The following ROR1 variants were observed in gnomAD, a reference collection of about 807,000 sequenced individuals.
ROR1 encodes the protein inactive tyrosine-protein kinase transmembrane receptor ROR1.
A neutral mutation model predicts 78.8 loss-of-function variants in ROR1; 19 were observed. The observed-to-expected ratio is 0.24, with a 90% CI of 0.17 to 0.35. The LOEUF is 0.35. Ranked by LOEUF, ROR1 falls within the 10% of genes least tolerant of loss-of-function variation. The pLI is 1.00. For missense variants in ROR1, 917 were observed against 1,177.8 expected (o/e 0.78, Z 3.24); for synonymous variants, 386 against 433.6 (o/e 0.89, Z 1.36).
intron 1 of ROR1, among the ~76,000 whole-genome samples, chr1:63,899,637 A>C (rs936453891): frequency 1.3e-5 from 2 of 152,078 alleles, no homozygotes; most frequent in South Asian, 4.1e-4. Flanking sequence ...GCACTCAGGC[A>C]TATAGGTTAC....
intron 1 of ROR1, among the ~76,000 whole-genome samples, chr1:64,003,188 CT>C (rs1271530090): frequency 6.6e-6 from 1 of 151,890 alleles, no homozygotes; most frequent in African/African-American, 2.4e-5. Flanking sequence ...CTTTTCCTTC[CT>C]TTTTTTTCTT....
At chr1:63,843,620 A>G in intron 1 of ROR1, 8 of 638,830 alleles carry the variant, frequency 1.3e-5, no homozygotes, top group South Asian at 1.1e-4. Flanking sequence ...CTGGCATTGA[A>G]GACTTATGCA....
intron 1 of ROR1, among the ~76,000 whole-genome samples, chr1:63,825,030 A>G (rs1644945260): frequency 6.6e-6 from 1 of 152,178 alleles, no homozygotes; most frequent in Admixed American, 6.6e-5. Flanking sequence ...AACTAACAAT[A>G]CCAAGCATTG....
intron 1 of ROR1, among the ~76,000 whole-genome samples, chr1:63,950,270 G>A (rs1364547612): frequency 6.6e-6 from 1 of 152,182 alleles, no homozygotes; most frequent in African/African-American, 2.4e-5. Context: ...CAGCCCCAGG[G>A]CTGCTGTTTG....
chr1:63,790,862 C>T (rs956544021), intron 1 of ROR1, among the ~76,000 whole-genome samples: 1 of 152,180 alleles, frequency 6.6e-6, no homozygotes, highest in Non-Finnish European at 1.5e-5. Flanking sequence ...AAAGTGTTCT[C>T]AGTTTTGAAC....
At chr1:63,904,970 G>A (rs896632970) in intron 1 of ROR1, among the ~76,000 whole-genome samples, 20 of 152,046 alleles carry the variant, frequency 1.3e-4, no homozygotes, top group African/African-American at 1.9e-4. Flanking sequence ...TCGTGGGATC[G>A]CACACCCAGG....
intron 1 of ROR1, among the ~76,000 whole-genome samples, chr1:63,859,960 C>A (rs192102587): frequency 3.9e-5 from 6 of 152,240 alleles, no homozygotes; most frequent in Admixed American, 3.9e-4. Context: ...TTGTTAATAT[C>A]TGTATTTTAT....
At chr1:63,942,217 C>T (rs962226688) in intron 1 of ROR1, among the ~76,000 whole-genome samples, 5 of 152,214 alleles carry the variant, frequency 3.3e-5, no homozygotes, top group Admixed American at 6.5e-5. Flanking sequence ...ACTCTTTCTT[C>T]AGTCTCTACA....
At chr1:63,862,391 C>CAA (rs1164915396) in intron 1 of ROR1, among the ~76,000 whole-genome samples, 11,907 of 55,736 alleles carry the variant, frequency 0.21, 2,332 homozygotes, top group African/African-American at 0.52. Flanking sequence ...GAGACTGTCT[C>CAA]AAAAAAAAAA....
At chr1:64,087,053 CAT>C (rs1330341588) in intron 4 of ROR1, among the ~76,000 whole-genome samples, 3 of 152,102 alleles carry the variant, frequency 2.0e-5, no homozygotes, top group Admixed American at 2.0e-4. Context: ...CCACCTGAAA[CAT>C]ATAGAGAATA....
At chr1:63,963,355 G>A (rs1010463926) in intron 1 of ROR1, among the ~76,000 whole-genome samples, 1 of 131,356 alleles carries the variant, frequency 7.6e-6, no homozygotes, top group Non-Finnish European at 1.5e-5. Flanking sequence ...ATCACCTGAG[G>A]TCGGGAGTTT....
At chr1:64,090,992 TG>T (rs11304220) in intron 4 of ROR1, among the ~76,000 whole-genome samples, 42,058 of 152,000 alleles carry the variant, frequency 0.28, 6,437 homozygotes, top group African/African-American at 0.41. Context: ...GTATCTTTAT[TG>T]TTATCAGCCT....
At position 64,149,147 on chromosome 1, in the gene ROR1, C is replaced by A. The variant is rs552061582; in HGVS notation, c.1174+6497C>A. Among the ~76,000 whole-genome samples the A allele has an allele frequency of 9.2e-5, 14 of 152,282 alleles. 1 individual carries two copies. In the South Asian group the frequency reaches 2.9e-3, roughly 32 times the overall value. On this transcript the variant is annotated intron_variant, in intron 7 of 8. Transcript: ENST00000371079. ...CTAAGATATCTGTGCCGGCATCTAGCCTAGGACTTAGTTGGTGCTCAATAA... is the reference window on the plus strand; with the variant it reads ...CTAAGATATCTGTGCCGGCATCTAGACTAGGACTTAGTTGGTGCTCAATAA...
intron 1 of ROR1, among the ~76,000 whole-genome samples, chr1:63,780,065 G>C (rs1182762214): frequency 6.6e-6 from 1 of 152,166 alleles, no homozygotes; most frequent in Non-Finnish European, 1.5e-5. Context: ...ATAAGGTTTT[G>C]TACAGTCTTG....
Position 64,177,454 on chromosome 1 carries a change from T to C in ROR1, c.1413T>C (p.Ser471=). 1 of 1,614,022 alleles carries C rather than the reference T, an allele frequency of 6.2e-7. No homozygotes were observed. Among genetic ancestry groups the C allele is most frequent in the South Asian group, 1.1e-5 (1 of 91,056 alleles). ...PKSKAKELPL[S]AVRFMEELGE... is the part of the protein sequence containing the mutation. Reference sequence around the variant, plus strand: ...GCAAGGCTAAAGAGCTACCTCTTTCTGCTGTACGCTTTATGGAAGAATTGG... The same window carrying C: ...GCAAGGCTAAAGAGCTACCTCTTTCCGCTGTACGCTTTATGGAAGAATTGG... Residue 471 remains serine, a synonymous_variant, in exon 9 of 9, where the codon TCT becomes TCC. Transcript: ENST00000371079.
At chr1:64,167,542 C>T (rs1650119117) in intron 8 of ROR1, among the ~76,000 whole-genome samples, 1 of 152,192 alleles carries the variant, frequency 6.6e-6, no homozygotes, top group South Asian at 2.1e-4. Context: ...TGGCTGTGGC[C>T]TCTAAGCTTT....
At position 64,140,168 on chromosome 1, in the gene ROR1, A is replaced by G. The variant is rs1649255295; in HGVS notation, c.670A>G (p.Ile224Val). The change falls in exon 6 of 9, where the codon ATT becomes GTT. Residue 224 changes from isoleucine (I) to valine (V), a missense_variant. Around this residue, in one of 3 missense-constraint regions of ROR1, gnomAD observed 835 missense variants for 1,069.8 expected, o/e 0.78. Transcript: ENST00000371079. The stretch of plus-strand genomic sequence containing the variant: ...ATCTGATAAGTGTTCTCAGTTCGCC[A>G]TTCCTTCCCTGTGCCACTATGCCTT... ...HLSDKCSQFA[I>V]PSLCHYAFPY... The G allele has an allele frequency of 1.2e-6, 2 of 1,614,046 alleles. No homozygotes were observed. Among genetic ancestry groups the G allele is most frequent in the African/African-American group, 1.3e-5 (1 of 74,930 alleles).
chr1:64,054,162 C>T (rs895077554), intron 4 of ROR1, among the ~76,000 whole-genome samples: 2 of 152,150 alleles, frequency 1.3e-5, no homozygotes, highest in Non-Finnish European at 2.9e-5. Context: ...CCATGTTGGC[C>T]GGGCTGGTCT....
At chr1:63,822,163 G>A (rs1222294512) in intron 1 of ROR1, among the ~76,000 whole-genome samples, 1 of 152,192 alleles carries the variant, frequency 6.6e-6, no homozygotes, top group Non-Finnish European at 1.5e-5. Context: ...TATGAGACAT[G>A]TGAAACACTA....
Sources: allele counts gnomAD v4.1 joint callset (sites outside exome capture counted in the v4.1 genomes callset), GRCh38; gene constraint gnomAD v4.1.1; regional missense constraint gnomAD v4.1.1; transcripts MANE v1.5; gene names NCBI Gene and HGNC (gene_info 2026-07-23, HGNC 2026-07-21).